DIS3L2: variants seen among roughly 807,000 people sequenced by gnomAD.
DIS3L2 encodes the protein DIS3 like 3'-5' exoribonuclease 2.
DIS3L2 carries 34 observed loss-of-function variants against 97.5 expected under a neutral mutation model. The ratio of observed to expected loss-of-function variants is 0.35; its 90% CI spans 0.27 to 0.46. The LOEUF (loss-of-function observed/expected upper bound fraction) is 0.46. Ranked by LOEUF, DIS3L2 falls within the 20% of genes least tolerant of loss-of-function variation. The probability of loss-of-function intolerance (pLI) is 1.00; values close to 1 mark genes in which losing one functional copy is unlikely to be tolerated. For missense variants in DIS3L2, 1,038 were observed against 1,146.0 expected, an observed-to-expected ratio of 0.91 and a Z score of 1.36; for synonymous variants, 435 against 445.2, an observed-to-expected ratio of 0.98 and a Z score of 0.29.
intron 14 of DIS3L2, among the ~76,000 whole-genome samples, chr2:232,300,804 C>T (rs1168438331): frequency 6.6e-6 from 1 of 152,024 alleles, no homozygotes; most frequent in Non-Finnish European, 1.5e-5. Flanking sequence ...AGGTGCACAC[C>T]ACCATGCCCA....
intron 10 of DIS3L2, among the ~76,000 whole-genome samples, chr2:232,218,864 G>C (rs1404796656): frequency 1.3e-5 from 2 of 152,122 alleles, no homozygotes; most frequent in African/African-American, 4.8e-5. Flanking sequence ...TGTACCTATG[G>C]GTTAGGTCTG....
At chr2:232,078,011 TTC>T (rs1244275605) in intron 5 of DIS3L2, among the ~76,000 whole-genome samples, 259 of 110,602 alleles carry the variant, frequency 2.3e-3, no homozygotes, top group Non-Finnish European at 3.8e-3. Flanking sequence ...CTTTCTTTCT[TTC>T]TTTCTTTTTC....
intron 8 of DIS3L2, among the ~76,000 whole-genome samples, chr2:232,148,229 A>C (rs200129786): frequency 6.6e-6 from 1 of 151,926 alleles, no homozygotes; most frequent in East Asian, 1.9e-4. Flanking sequence ...TTATATTTTT[A>C]GTAGAGATGG....
intron 9 of DIS3L2, chr2:232,172,581 A>G (rs1691023100): frequency 2.3e-6 from 1 of 439,488 alleles, no homozygotes; most frequent in Non-Finnish European, 4.8e-6. Flanking sequence ...GACTATTATG[A>G]ATAATGCTGC....
downstream of DIS3L2, chr2:232,340,688 C>T: frequency 2.1e-6 from 1 of 469,110 alleles, no homozygotes; most frequent in Non-Finnish European, 4.4e-6. Flanking sequence ...TGACCAGGGA[C>T]TGGCAAAGCT....
chr2:232,161,660 G>A (rs1242557636), intron 8 of DIS3L2, among the ~76,000 whole-genome samples: 2 of 152,092 alleles, frequency 1.3e-5, no homozygotes, highest in Non-Finnish European at 2.9e-5. Flanking sequence ...TAGTAGAAAC[G>A]GGGTTTCACC....
rs748574652 is a variant in DIS3L2 at position 232,300,064 on chromosome 2, C to T, written c.1684C>T (p.His562Tyr). ...GCTAAAGCTTGCTTTCACTCTGGAC[C>T]ACGAGACCGGATTGCCTCAAGGATG... Reference protein sequence around the residue: ...DQLKLAFTLDHETGLPQGCHI... With the variant: ...DQLKLAFTLDYETGLPQGCHI... Residue 562 changes from histidine (H) to tyrosine (Y), a missense_variant, in exon 14 of 21, where the codon CAC becomes TAC. By Grantham distance (83) the His-to-Tyr change is moderately conservative (BLOSUM62 2). Around this residue, in one of 3 missense-constraint regions of DIS3L2, gnomAD observed 813 missense variants for 880.1 expected, o/e 0.92. Transcript: ENST00000325385. The T allele has an allele frequency of 1.2e-5, 19 of 1,613,776 alleles. No individual in the cohort carries two copies. Among genetic ancestry groups the T allele is most frequent in the Non-Finnish European group, 1.4e-5 (17 of 1,179,830 alleles).
At chr2:232,308,947 G>C (rs1695053542) in intron 14 of DIS3L2, among the ~76,000 whole-genome samples, 1 of 152,164 alleles carries the variant, frequency 6.6e-6, no homozygotes, top group Non-Finnish European at 1.5e-5. Flanking sequence ...CTGACAAGTG[G>C]ACCCCAAGCA....
chr2:232,113,297 T>C (rs141085362), intron 6 of DIS3L2, among the ~76,000 whole-genome samples: 2 of 152,338 alleles, frequency 1.3e-5, no homozygotes, highest in African/African-American at 4.8e-5. Flanking sequence ...ATCAAAGCTT[T>C]CAAATCTTTA....
chr2:232,075,802 A>G (rs1559600044), intron 5 of DIS3L2, among the ~76,000 whole-genome samples: 2 of 152,146 alleles, frequency 1.3e-5, no homozygotes, highest in Non-Finnish European at 2.9e-5. Context: ...AAGGCTCCCA[A>G]CTGAGTGTAC....
Position 232,292,986 on chromosome 2 carries a change from T to G in DIS3L2, c.1660-7054T>G, listed in dbSNP as rs750171128. The stretch of plus-strand genomic sequence containing the variant: ...TCTCCTGCTTGACATGGCAGCTGCC[T>G]CTGGAGAGAGAAAGACCTTGTGAAG... On this transcript the variant is annotated intron_variant, in intron 13 of 20. Transcript: ENST00000325385. The surrounding 1 kb of genome is among the most constrained non-coding windows in gnomAD (Gnocchi z 4.4). Among the ~76,000 whole-genome samples the G allele has an allele frequency of 1.3e-3, 194 of 152,264 alleles. 1 individual carries two copies. The highest frequency in any genetic ancestry group is 2.0e-3 in the Non-Finnish European group (133 of 68,028).
At chr2:232,250,337 ATT>A (rs34243603) in intron 12 of DIS3L2, among the ~76,000 whole-genome samples, 4 of 149,936 alleles carry the variant, frequency 2.7e-5, no homozygotes, top group Admixed American at 6.7e-5. Flanking sequence ...CAGTAAAAGG[ATT>A]TTTTTTTTTA....
chr2:231,984,902 T>G (rs1200284513), intron 1 of DIS3L2, among the ~76,000 whole-genome samples: 1 of 152,250 alleles, frequency 6.6e-6, no homozygotes, highest in Admixed American at 6.5e-5. Flanking sequence ...ATTATAGGCA[T>G]GAGCCACTGT....
chr2:231,976,801 T>G (rs569932085), intron 1 of DIS3L2, among the ~76,000 whole-genome samples: 17 of 137,896 alleles, frequency 1.2e-4, no homozygotes, highest in Admixed American at 7.1e-4. Flanking sequence ...AGAGTCTCGC[T>G]CTGTTGCCCA....
chr2:232,001,968 G>A lies in DIS3L2; in HGVS notation c.-93-12867G>A, dbSNP rs1024791438. Reference sequence around the variant, plus strand: ...ACTCCTGACCTCAGGTGATCCACCCGCCTTGGCCTCCCAAAGTGCTGGGAT... The same window carrying A: ...ACTCCTGACCTCAGGTGATCCACCCACCTTGGCCTCCCAAAGTGCTGGGAT... On this transcript the variant is annotated intron_variant, in intron 1 of 20. Transcript: ENST00000325385. Among the ~76,000 whole-genome samples, 9 of 151,994 alleles carry A rather than the reference G, an allele frequency of 5.9e-5. 1 individual carries two copies. Among genetic ancestry groups the A allele is most frequent in the Admixed American group, 2.0e-4 (3 of 15,268 alleles).
chr2:232,307,440 G>A (rs1695016190), intron 14 of DIS3L2: 1 of 152,168 alleles, frequency 6.6e-6, no homozygotes, highest in Non-Finnish European at 1.5e-5. Context: ...GAGCTAACAT[G>A]GAGAAAAGAA....
chr2:232,133,013 C>T (rs1698262279), intron 7 of DIS3L2, among the ~76,000 whole-genome samples: 1 of 152,174 alleles, frequency 6.6e-6, no homozygotes, highest in African/African-American at 2.4e-5. Context: ...CACCAAGCAG[C>T]TGGGTGGCAT....
chr2:232,083,454 A>G (rs1185836405), intron 5 of DIS3L2, among the ~76,000 whole-genome samples: 1 of 151,724 alleles, frequency 6.6e-6, no homozygotes, highest in African/African-American at 2.4e-5. Flanking sequence ...AATACAAAAT[A>G]GAACCTAAAG....
At chr2:232,030,797 ATTTGGCTTT>A (rs1028653921) in intron 5 of DIS3L2, among the ~76,000 whole-genome samples, 3 of 152,056 alleles carry the variant, frequency 2.0e-5, no homozygotes, top group African/African-American at 7.2e-5. Flanking sequence ...CATTTGTTTT[ATTTGGCTTT>A]TTTGTTTTAT....
Sources: gnomAD v4.1 joint callset for allele counts (sites outside exome capture counted in the v4.1 genomes callset) on GRCh38, gnomAD v4.1.1 for gene constraint, gnomAD v4.1.1 regional missense constraint, Gnocchi (gnomAD v3.1) non-coding constraint, MANE v1.5 for transcripts, NCBI Gene and HGNC (gene_info 2026-07-23, HGNC 2026-07-21) for gene names.